ITGA1: variants seen among roughly 807,000 people sequenced by gnomAD.
ITGA1 encodes the protein integrin subunit alpha 1, also known as integrin alpha-1.
In ITGA1, 85 loss-of-function variants were observed where a neutral mutation model predicts 145.9. The ratio of observed to expected loss-of-function variants is 0.58; its 90% confidence interval spans 0.49 to 0.70. ITGA1 has a LOEUF of 0.70. Ranked by LOEUF, ITGA1 falls within the 30% of genes least tolerant of loss-of-function variation. The pLI is 0.00. For synonymous variants in ITGA1, 520 were observed against 495.3 expected (o/e 1.05, Z -0.66); for missense variants, 1,351 against 1,418.7 (o/e 0.95, Z 0.77).
chr5:52,800,290 C>T, intron 1 of ITGA1: 1 of 1,295,014 alleles, frequency 7.7e-7, no homozygotes, highest in Non-Finnish European at 1.1e-6. Flanking sequence ...CCTTAGAAAC[C>T]GGGCCCCGCC....
intron 14 of ITGA1, among the ~76,000 whole-genome samples, chr5:52,912,143 T>C (rs1750563503): frequency 7.0e-6 from 1 of 143,308 alleles, no homozygotes; most frequent in Non-Finnish European, 1.5e-5. Flanking sequence ...GCGTATCTAG[T>C]ATATAGATAT....
chr5:52,817,050 C>G (rs985534283), intron 1 of ITGA1, among the ~76,000 whole-genome samples: 3 of 152,170 alleles, frequency 2.0e-5, no homozygotes, highest in African/African-American at 7.2e-5. Flanking sequence ...CAGTTTAAAA[C>G]CATTCAAACT....
At chr5:52,791,972 C>G (rs1381565974) in intron 1 of ITGA1, among the ~76,000 whole-genome samples, 2 of 152,156 alleles carry the variant, frequency 1.3e-5, no homozygotes, top group East Asian at 3.9e-4. Flanking sequence ...TTCATTCTCT[C>G]TTGCTCACTC....
At chr5:52,795,697 T>C (rs1748327682) in intron 1 of ITGA1, among the ~76,000 whole-genome samples, 1 of 151,976 alleles carries the variant, frequency 6.6e-6, no homozygotes, top group Non-Finnish European at 1.5e-5. Context: ...CTCTTGTCCC[T>C]TGTTTTGTCT....
rs190211744 is a variant in ITGA1 at position 52,943,140 on chromosome 5, G to A, written c.3286-1803G>A. ...AGGAGTGGTAAGAGTGGGCATCCTT[G>A]TCTTATTCCAGTTCCCCAGGGGAAT... On this transcript the variant is annotated intron_variant, in intron 26 of 28. Transcript: ENST00000282588. 9.0e-4 allele frequency among the ~76,000 whole-genome samples: 137 copies of A among 152,250 alleles called. 1 individual carries two copies. Among genetic ancestry groups the A allele is most frequent in the Admixed American group, 1.5e-3 (23 of 15,296 alleles).
chr5:52,885,973 T>C (rs1579697605), intron 7 of ITGA1, among the ~76,000 whole-genome samples: 1 of 152,332 alleles, frequency 6.6e-6, no homozygotes, highest in South Asian at 2.1e-4. Flanking sequence ...TTCAATTCTT[T>C]TAAAAGATAA....
At chr5:52,849,714 C>T (rs895410044) in intron 2 of ITGA1, among the ~76,000 whole-genome samples, 1 of 151,906 alleles carries the variant, frequency 6.6e-6, no homozygotes, top group South Asian at 2.1e-4. Flanking sequence ...CCTGGATTGA[C>T]CTCAAGGAAG....
intron 1 of ITGA1, among the ~76,000 whole-genome samples, chr5:52,813,323 TCTTA>T (rs945602026): frequency 2.6e-5 from 4 of 152,212 alleles, no homozygotes; most frequent in Admixed American, 2.0e-4. Context: ...CATTTAATCA[TCTTA>T]CTTCCTATGG....
intron 14 of ITGA1, among the ~76,000 whole-genome samples, chr5:52,913,509 T>C (rs1166204495): frequency 2.0e-5 from 3 of 152,146 alleles, no homozygotes; most frequent in Non-Finnish European, 4.4e-5. Context: ...AATCCATAAG[T>C]GTATTTTTTT....
At chr5:52,938,387 T>C (rs897210716) in intron 24 of ITGA1, among the ~76,000 whole-genome samples, 4 of 152,170 alleles carry the variant, frequency 2.6e-5, no homozygotes, top group South Asian at 4.1e-4. Flanking sequence ...AAGTATTGAA[T>C]TAATGTGTGC....
intron 6 of ITGA1, among the ~76,000 whole-genome samples, chr5:52,879,571 A>T (rs1478897484): frequency 6.6e-6 from 1 of 152,200 alleles, no homozygotes; most frequent in Non-Finnish European, 1.5e-5. Flanking sequence ...CATTGAAGAA[A>T]AGAATTTTAA....
chr5:52,895,182 A>T (rs1307379454), intron 9 of ITGA1, among the ~76,000 whole-genome samples: 1 of 152,106 alleles, frequency 6.6e-6, no homozygotes, highest in Admixed American at 6.6e-5. Context: ...CATTTGATTT[A>T]GAGGTGATAG....
At position 52,813,447 on chromosome 5, in the gene ITGA1, AAC is replaced by A. The variant is rs567323708; in HGVS notation, c.61+25035_61+25036del. On this transcript the variant is annotated intron_variant, in intron 1 of 28. Coordinates refer to ENST00000282588, the MANE Select transcript of ITGA1 (RefSeq NM_181501.2). ...TCTTACTATTTCTCAGTTACTTGCA[AAC>A]AACAGGAACCAAGTCTGATAATACA... Among the ~76,000 whole-genome samples, 126 of 152,316 alleles carry A rather than the reference AAC, an allele frequency of 8.3e-4. 1 individual carries two copies. Among genetic ancestry groups the A allele is most frequent in the Middle Eastern group, 6.8e-3 (2 of 294 alleles).
At chr5:52,897,352 G>C in intron 9 of ITGA1, 103 bp from the exon 10 acceptor site, 1 of 769,696 alleles carries the variant, frequency 1.3e-6, no homozygotes, top group Non-Finnish European at 2.1e-6. Flanking sequence ...TGAAGTTCTG[G>C]TTGGTAAGAC....
rs145049715 is a variant in ITGA1, at chr5:52,878,258, G to C, written c.625-3615G>C. On this transcript the variant is annotated intron_variant, in intron 6 of 28. Transcript: ENST00000282588. Reference sequence around the variant, plus strand: ...CTCAGGTAGAGTTGTTAGAAGCAAAGTATCCAGAGCAGATAAGGGAATAGG... The same window carrying C: ...CTCAGGTAGAGTTGTTAGAAGCAAACTATCCAGAGCAGATAAGGGAATAGG... 2.0e-5 allele frequency among the ~76,000 whole-genome samples: 3 copies of C among 152,284 alleles called. No homozygotes were observed. In the East Asian group the frequency reaches 5.8e-4, roughly 29 times the overall value.
chr5:52,868,889 A>G (rs1201350070), intron 6 of ITGA1, among the ~76,000 whole-genome samples: 1 of 152,196 alleles, frequency 6.6e-6, no homozygotes, highest in African/African-American at 2.4e-5. Context: ...AACCATATAC[A>G]TTCATTCATT....
intron 6 of ITGA1, among the ~76,000 whole-genome samples, chr5:52,878,166 C>T (rs1293253707): frequency 6.6e-6 from 1 of 152,110 alleles, no homozygotes; most frequent in Non-Finnish European, 1.5e-5. Context: ...CTCCCAGACA[C>T]TCCTGGTTTT....
intron 7 of ITGA1, 66 bp from the exon 8 acceptor site, chr5:52,887,749 G>C: frequency 6.8e-7 from 1 of 1,481,054 alleles, no homozygotes; most frequent in Non-Finnish European, 9.1e-7. Flanking sequence ...TTTTTGTTTA[G>C]TTTTTTACTT....
chr5:52,914,019 C>T (rs1292373059), intron 14 of ITGA1, among the ~76,000 whole-genome samples: 1 of 152,170 alleles, frequency 6.6e-6, no homozygotes, highest in East Asian at 1.9e-4. Flanking sequence ...TTTATTCCTT[C>T]AGCATCAATC....
Sources: allele counts gnomAD v4.1 joint callset (sites outside exome capture counted in the v4.1 genomes callset), GRCh38; gene constraint gnomAD v4.1.1; transcripts MANE v1.5; gene names NCBI Gene and HGNC (gene_info 2026-07-23, HGNC 2026-07-21).